The following DCAF6 variants were observed in gnomAD, a reference collection of about 807,000 sequenced individuals.
DCAF6 encodes the protein DDB1- and CUL4-associated factor 6.
A neutral mutation model predicts 125.1 loss-of-function variants in DCAF6; 54 were observed. That is an observed-to-expected ratio of 0.43 (90% CI 0.35 to 0.54). The LOEUF (loss-of-function observed/expected upper bound fraction) is 0.54. Among genes scored for constraint, DCAF6 ranks in the 20% least tolerant of loss-of-function variants. The probability of loss-of-function intolerance (pLI) is 0.01; values close to 1 mark genes in which losing one functional copy is unlikely to be tolerated. For synonymous variants in DCAF6, 371 were observed against 390.4 expected, an observed-to-expected ratio of 0.95 and a Z score of 0.58; for missense variants, 934 against 1,161.7, an observed-to-expected ratio of 0.80 and a Z score of 2.85.
intron 3 of DCAF6, among the ~76,000 whole-genome samples, chr1:167,967,170 G>A (rs1051540977): frequency 2.6e-5 from 4 of 152,024 alleles, no homozygotes; most frequent in Non-Finnish European, 5.9e-5. Flanking sequence ...TTAAAAATTT[G>A]AAATTTAGTC....
the DCAF6 span, among the ~76,000 whole-genome samples, chr1:167,928,833 CT>C: frequency 6.6e-6 from 1 of 152,154 alleles, no homozygotes; most frequent in Non-Finnish European, 1.5e-5. Context: ...AATGAAATAA[CT>C]TGATTAGGTG....
chr1:167,922,167 C>T, the DCAF6 span, among the ~76,000 whole-genome samples: 526 of 152,136 alleles, frequency 3.5e-3, 2 homozygotes, highest in African/African-American at 0.012. Context: ...AGAAGTCTCC[C>T]CACCAGAGAA....
chr1:168,022,129 T>C (rs1343885260), intron 11 of DCAF6, among the ~76,000 whole-genome samples: 13 of 152,138 alleles, frequency 8.5e-5, no homozygotes, highest in Admixed American at 8.5e-4. Flanking sequence ...CTAATTACTG[T>C]CAGAATCAAG....
At chr1:168,062,362 TA>T (rs1477462983) in intron 17 of DCAF6, among the ~76,000 whole-genome samples, 2 of 152,316 alleles carry the variant, frequency 1.3e-5, no homozygotes, top group East Asian at 3.9e-4. Flanking sequence ...TTGAGCTTTT[TA>T]CCTTAGGATT....
At chr1:167,999,534 C>A (rs1682280925) in intron 7 of DCAF6, among the ~76,000 whole-genome samples, 1 of 152,146 alleles carries the variant, frequency 6.6e-6, no homozygotes, top group Admixed American at 6.5e-5. Context: ...TTTAGGGTAG[C>A]CACTTTGATC....
intron 10 of DCAF6, among the ~76,000 whole-genome samples, chr1:168,013,508 G>T (rs1353071964): frequency 6.6e-6 from 1 of 152,044 alleles, no homozygotes; most frequent in Non-Finnish European, 1.5e-5. Context: ...TGACATCTCT[G>T]TGCATATTTT....
At chr1:167,944,809 A>C (rs1672810602) in intron 1 of DCAF6, among the ~76,000 whole-genome samples, 7 of 152,126 alleles carry the variant, frequency 4.6e-5, no homozygotes, top group Admixed American at 4.6e-4. Context: ...TTTTAGTTTA[A>C]TTGAGTCCCA....
the DCAF6 span, among the ~76,000 whole-genome samples, chr1:167,916,298 C>G: frequency 6.6e-6 from 1 of 152,224 alleles, no homozygotes; most frequent in African/African-American, 2.4e-5. Flanking sequence ...CCTCCGCCTC[C>G]TGGGTTGAAG....
the DCAF6 span, among the ~76,000 whole-genome samples, chr1:167,913,088 T>C: frequency 6.6e-6 from 1 of 152,226 alleles, no homozygotes; most frequent in Non-Finnish European, 1.5e-5. Flanking sequence ...CCTTATCAAC[T>C]GTTCAGCCAA....
At chr1:167,998,512 CT>C in intron 7 of DCAF6, 1 of 158,012 alleles carries the variant, frequency 6.3e-6, no homozygotes, top group Non-Finnish European at 1.4e-5. Flanking sequence ...TTGATAGCTT[CT>C]TACACACAAT....
At chr1:167,910,329 C>T in the DCAF6 span, among the ~76,000 whole-genome samples, 8 of 152,308 alleles carry the variant, frequency 5.3e-5, no homozygotes, top group South Asian at 1.7e-3. Context: ...AGTTCATTGA[C>T]CTCTTTAAAA....
chr1:167,902,099 G>T, the DCAF6 span: 2 of 1,570,634 alleles, frequency 1.3e-6, no homozygotes, highest in South Asian at 1.1e-5. Flanking sequence ...ATTCCTTAAA[G>T]GTAGTAAAAA....
At chr1:167,920,780 C>CAA in the DCAF6 span, 1 of 785,032 alleles carries the variant, frequency 1.3e-6, no homozygotes, top group Non-Finnish European at 1.9e-6. Context: ...TAGATTACAA[C>CAA]AAAAAAAAAG....
intron 2 of DCAF6, among the ~76,000 whole-genome samples, chr1:167,963,619 G>A (rs1675962152): frequency 6.6e-6 from 1 of 151,704 alleles, no homozygotes; most frequent in Non-Finnish European, 1.5e-5. Context: ...AGTAGAGATG[G>A]GGTTTCACCA....
At chr1:167,932,306 T>G (rs550362226), upstream of DCAF6, among the ~76,000 whole-genome samples, 14 of 152,268 alleles carry the variant, frequency 9.2e-5, no homozygotes, top group African/African-American at 3.1e-4. Flanking sequence ...AATAATATAT[T>G]TTTGTATTAC....
At chr1:168,005,489 C>G (rs1683221853) in intron 10 of DCAF6, among the ~76,000 whole-genome samples, 1 of 152,042 alleles carries the variant, frequency 6.6e-6, no homozygotes, top group African/African-American at 2.4e-5. Context: ...GATGTATCTA[C>G]AGTTTACTCG....
chr1:167,917,250 C>T, the DCAF6 span: 1 of 152,158 alleles, frequency 6.6e-6, no homozygotes, highest in Non-Finnish European at 1.5e-5. Flanking sequence ...CAAACATTTA[C>T]AGAAAACCTA....
At chr1:167,870,947 G>A in the DCAF6 span, among the ~76,000 whole-genome samples, 1 of 152,104 alleles carries the variant, frequency 6.6e-6, no homozygotes, top group Non-Finnish European at 1.5e-5. Flanking sequence ...TTGATTAGAA[G>A]CTGTGAGAGA....
chr1:168,036,611 G>A (rs1687841833), intron 12 of DCAF6, among the ~76,000 whole-genome samples: 2 of 152,166 alleles, frequency 1.3e-5, no homozygotes, highest in Admixed American at 1.3e-4. Flanking sequence ...TAAAGAATAA[G>A]AGGAAACTGT....
Sources: allele counts gnomAD v4.1 joint callset (sites outside exome capture counted in the v4.1 genomes callset), GRCh38; gene constraint gnomAD v4.1.1; transcripts MANE v1.5; gene names NCBI Gene and HGNC (gene_info 2026-07-23, HGNC 2026-07-21).